Variants in PRKAB1 observed in about 807,000 individuals in gnomAD.
PRKAB1 encodes protein kinase AMP-activated non-catalytic subunit beta 1.
PRKAB1 carries 18 observed loss-of-function variants against 32.0 expected under a neutral mutation model. The observed-to-expected ratio is 0.56, with a 90% CI of 0.39 to 0.83. The LOEUF is 0.83. Among genes scored for constraint, PRKAB1 ranks in the 40% least tolerant of loss-of-function variants. PRKAB1 has a pLI of 0.00. For missense variants in PRKAB1, 263 were observed against 352.6 expected, an observed-to-expected ratio of 0.75 and a Z score of 2.03; for synonymous variants, 141 against 141.4, an observed-to-expected ratio of 1.00 and a Z score of 0.02.
intron 1 of PRKAB1, chr12:119,669,292 G>C (rs1170154936): frequency 7.3e-6 from 1 of 137,286 alleles, no homozygotes; most frequent in African/African-American, 2.8e-5. Flanking sequence ...TTTTGAGACC[G>C]AGTCTCGCTC....
At chr12:119,675,371 G>A (rs1473955450) in intron 4 of PRKAB1, among the ~76,000 whole-genome samples, 1 of 152,368 alleles carries the variant, frequency 6.6e-6, no homozygotes, top group East Asian at 1.9e-4. Context: ...GTGGTTGACA[G>A]TTTGTTGAGC....
intron 5 of PRKAB1, chr12:119,677,469 T>C (rs1955433653): frequency 6.6e-6 from 1 of 152,364 alleles, no homozygotes; most frequent in African/African-American, 2.4e-5. Flanking sequence ...CCAACAGGGC[T>C]TGCCTTTCTC....
At position 119,672,346 on chromosome 12, in the gene PRKAB1, G is replaced by A. The variant is rs1195908214; in HGVS notation, c.205G>A (p.Val69Met). The part of the protein sequence containing the change: ...EFLAWQHDLE[V>M]NDKAPAQARP... ...CCTGGCCTGGCAGCATGATCTGGAAGTGAATGATAAAGCTCCCGCCCAGGC... is the reference window on the plus strand; with the variant it reads ...CCTGGCCTGGCAGCATGATCTGGAAATGAATGATAAAGCTCCCGCCCAGGC... Residue 69 changes from valine (V) to methionine (M), a missense_variant, in exon 2 of 7, where the codon GTG becomes ATG. By Grantham distance (21) the Val-to-Met change is conservative. Coordinates refer to ENST00000229328, the MANE Select transcript of PRKAB1 (RefSeq NM_006253.5). The A allele has an allele frequency of 6.2e-7, 1 of 1,612,926 alleles. No individual in the cohort carries two copies. Among genetic ancestry groups the A allele is most frequent in the Non-Finnish European group, 8.5e-7 (1 of 1,179,642 alleles).
At chr12:119,669,895 G>C (rs1696678095) in intron 1 of PRKAB1, 1 of 152,244 alleles carries the variant, frequency 6.6e-6, no homozygotes, top group African/African-American at 2.4e-5. Flanking sequence ...TTTTTTTAAA[G>C]CGTACATAGA....
Position 119,679,805 on chromosome 12 carries a change from C to T in PRKAB1, c.667-128C>T. ...TCGTCTTGGACAAGCCCTTGCGCTG[C>T]CTGATTTGGGAAGAGAGGTCGGCCT... On this transcript the variant is annotated intron_variant, in intron 5 of 6. Transcript: ENST00000229328. The surrounding 1 kb of genome is among the most constrained non-coding windows in gnomAD (Gnocchi z 4.1). 1.0e-6 allele frequency: 1 copy of T among 1,001,078 alleles called. No individual in the cohort carries two copies. Among genetic ancestry groups the T allele is most frequent in the Non-Finnish European group, 1.6e-6 (1 of 638,764 alleles). 62.0% of individuals were successfully genotyped at this position (1,001,078 alleles called of 1,614,324 possible). A position where few individuals can be genotyped will look rare whatever the true frequency, so the allele number is the denominator to read the frequency against.
rs1462676301 is a variant in PRKAB1 at position 119,679,639 on chromosome 12, A to C, written c.667-294A>C. Reference sequence around the variant, plus strand: ...TTAATAGCTGCTTTCTTCCTGCCCCACCCTCCATAAGAGGACAGGGCCGTG... The same window carrying C: ...TTAATAGCTGCTTTCTTCCTGCCCCCCCCTCCATAAGAGGACAGGGCCGTG... On this transcript the variant is annotated intron_variant, in intron 5 of 6. Coordinates refer to ENST00000229328, the MANE Select transcript of PRKAB1 (RefSeq NM_006253.5). The surrounding 1 kb of genome is among the most constrained non-coding windows in gnomAD (Gnocchi z 4.1). The C allele has an allele frequency of 9.5e-6, 4 of 422,320 alleles. No individual in the cohort carries two copies. The highest frequency in any genetic ancestry group is 2.0e-5 in the African/African-American group (1 of 49,304). The allele number at this position is 422,320 out of a possible 1,614,324, so 26.2% of individuals were successfully genotyped here.
intron 1 of PRKAB1, among the ~76,000 whole-genome samples, chr12:119,669,264 C>G (rs1301270834): frequency 7.5e-6 from 1 of 133,194 alleles, no homozygotes; most frequent in Non-Finnish European, 1.6e-5. Flanking sequence ...CTGGCCGGTT[C>G]AGCCTACTTT....
chr12:119,677,777 TTTTTTGAGACGGAGTCTTGCTC>T (rs1439762946), intron 5 of PRKAB1: 1 of 148,540 alleles, frequency 6.7e-6, no homozygotes, highest in African/African-American at 2.5e-5. Context: ...TTTTTTTTTT[TTTTTTGAGACGGAGTCTTGCTC>T]TGTTGCCCAG....
chr12:119,676,832 A>G (rs1955429745), intron 5 of PRKAB1, among the ~76,000 whole-genome samples, 162 bp downstream of exon 5: 2 of 152,238 alleles, frequency 1.3e-5, no homozygotes, highest in African/African-American at 2.4e-5. Flanking sequence ...GCTGATAACA[A>G]GAGGTTCCCA....
chr12:119,680,292 G>T lies in PRKAB1; in HGVS notation c.780G>T (p.Lys260Asn). The T allele has an allele frequency of 6.2e-7, 1 of 1,614,172 alleles. No homozygotes were observed. Among genetic ancestry groups the T allele is most frequent in the Non-Finnish European group, 8.5e-7 (1 of 1,180,028 alleles). The change falls in exon 7 of 7, where the codon AAG becomes AAT. Residue 260 changes from lysine (K) to asparagine (N), a missense_variant. By Grantham distance (94) the Lys-to-Asn change is moderately conservative. Transcript: ENST00000229328. Reference sequence around the variant, plus strand: ...GCGCAACCCACCGGTACAAGAAGAAGTACGTCACCACCTTGTTATACAAGC... The same window carrying T: ...GCGCAACCCACCGGTACAAGAAGAATTACGTCACCACCTTGTTATACAAGC... Reference protein sequence around the residue: ...VLSATHRYKKKYVTTLLYKPI With the variant: ...VLSATHRYKKNYVTTLLYKPI
At position 119,681,313 on chromosome 12, in the gene PRKAB1, A is replaced by G. The variant is rs1955462383; in HGVS notation, c.*988A>G. The G allele has an allele frequency of 6.6e-6, 1 of 152,246 alleles. No individual in the cohort carries two copies. Among genetic ancestry groups the G allele is most frequent in the Non-Finnish European group, 1.5e-5 (1 of 68,040 alleles). The allele number at this position is 152,246 out of a possible 1,614,324, so 9.4% of individuals were successfully genotyped here. A position where few individuals can be genotyped will look rare whatever the true frequency, so the allele number is the denominator to read the frequency against. On this transcript the variant is annotated 3_prime_UTR_variant, in exon 7 of 7. Coordinates refer to ENST00000229328, the MANE Select transcript of PRKAB1 (RefSeq NM_006253.5). ...CTGTTGCTTATTCTGAAAGGAATGT[A>G]GAACTTGACAGCAGCCTTCTGAGTC...
chr12:119,673,597 A>G (rs1460654540), intron 2 of PRKAB1, among the ~76,000 whole-genome samples: 2 of 152,358 alleles, frequency 1.3e-5, no homozygotes, highest in African/African-American at 4.8e-5. Context: ...GCCCAAGGCA[A>G]AGTGACAAAG....
intron 5 of PRKAB1, chr12:119,677,884 C>A (rs1214323963): frequency 6.6e-6 from 1 of 151,346 alleles, no homozygotes; most frequent in Non-Finnish European, 1.5e-5. Context: ...CCTGCCTCAG[C>A]CTCCCGAGTA....
At position 119,680,873 on chromosome 12, in the gene PRKAB1, G is replaced by T. The variant is rs994787279; in HGVS notation, c.*548G>T. On this transcript the variant is annotated 3_prime_UTR_variant, in exon 7 of 7. Coordinates refer to ENST00000229328, the MANE Select transcript of PRKAB1 (RefSeq NM_006253.5). ...GCTCCAGGGAGGTGTCATTTCTATA[G>T]AAATTAGAAGCTTTCTGATTTCTAG... is the stretch of plus-strand genomic sequence containing the variant. 1 of 152,894 alleles carries T rather than the reference G, an allele frequency of 6.5e-6. No individual in the cohort carries two copies. The highest frequency in any genetic ancestry group is 1.5e-5 in the Non-Finnish European group (1 of 68,596). The allele number at this position is 152,894 out of a possible 1,614,324, so 9.5% of individuals were successfully genotyped here.
rs1479777023 is a variant in PRKAB1, at chr12:119,680,600, C to T, written c.*275C>T. The T allele has an allele frequency of 1.6e-5, 8 of 488,188 alleles. No homozygotes were observed. Among genetic ancestry groups the T allele is most frequent in the South Asian group, 5.8e-5 (2 of 34,374 alleles). 30.2% of individuals were successfully genotyped at this position (488,188 alleles called of 1,614,324 possible). A position where few individuals can be genotyped will look rare whatever the true frequency, so the allele number is the denominator to read the frequency against. On this transcript the variant is annotated 3_prime_UTR_variant, in exon 7 of 7. Coordinates refer to ENST00000229328, the MANE Select transcript of PRKAB1 (RefSeq NM_006253.5). ...GGAGGGGTGGCAGAGGATCTGCAGCCCTGGCCCCGCGGTGCATGAGGCTGG... is the reference window on the plus strand; with the variant it reads ...GGAGGGGTGGCAGAGGATCTGCAGCTCTGGCCCCGCGGTGCATGAGGCTGG...
Position 119,680,286 on chromosome 12 carries a change from G to C in PRKAB1, c.774G>C (p.Lys258Asn). The C allele has an allele frequency of 6.2e-7, 1 of 1,614,102 alleles. No individual in the cohort carries two copies. The highest frequency in any genetic ancestry group is 8.5e-7 in the Non-Finnish European group (1 of 1,179,988). The change falls in exon 7 of 7, where the codon AAG (lysine) becomes AAC (asparagine). Residue 258 changes from lysine to asparagine, a missense_variant. Physicochemically the swap from Lys to Asn is moderately conservative, Grantham distance 94. Coordinates refer to ENST00000229328, the MANE Select transcript of PRKAB1 (RefSeq NM_006253.5). ...VMVLSATHRY[K>N]KKYVTTLLYK... is the part of the protein sequence containing the mutation. The stretch of plus-strand genomic sequence containing the variant: ...TGCTCAGCGCAACCCACCGGTACAA[G>C]AAGAAGTACGTCACCACCTTGTTAT...
intron 1 of PRKAB1, chr12:119,669,983 C>T (rs924605037): frequency 6.6e-6 from 1 of 152,252 alleles, no homozygotes; most frequent in Non-Finnish European, 1.5e-5. Context: ...CTGAACTTCT[C>T]TCTAGTGTTG....
At chr12:119,668,104 G>A (rs1169647578), upstream of PRKAB1, 1 of 1,094,282 alleles carries the variant, frequency 9.1e-7, no homozygotes, top group Admixed American at 4.0e-5. Context: ...CCGGCTCCCG[G>A]CCCGAGGGGC....
In PRKAB1 at chr12:119,674,481, A is replaced by C; in HGVS notation, c.532+27A>C. ...TATGAACACAGTTATTTTATACCAC[A>C]TGCGTGCAGGTGGGGGCTGTACAGT... On this transcript the variant is annotated intron_variant, in intron 4 of 6. Transcript: ENST00000229328. This position sits in a 1 kb window ranked among gnomAD's most constrained non-coding sequence, Gnocchi z 4.3. 15 of 1,485,564 alleles carry C rather than the reference A, an allele frequency of 1.0e-5. No homozygotes were observed. Among genetic ancestry groups the C allele is most frequent in the African/African-American group, 1.4e-5 (1 of 72,584 alleles). 92.0% of individuals were successfully genotyped at this position (1,485,564 alleles called of 1,614,324 possible).
Sources: gnomAD v4.1 joint callset for allele counts (sites outside exome capture counted in the v4.1 genomes callset) on GRCh38, gnomAD v4.1.1 for gene constraint, Gnocchi (gnomAD v3.1) non-coding constraint, MANE v1.5 for transcripts, NCBI Gene and HGNC (gene_info 2026-07-23, HGNC 2026-07-21) for gene names.